ANKAR: variants seen among roughly 807,000 people sequenced by gnomAD.
ANKAR encodes ankyrin and armadillo repeat-containing protein.
A neutral mutation model predicts 146.2 loss-of-function variants in ANKAR; 136 were observed. The ratio of observed to expected loss-of-function variants is 0.93; its 90% CI spans 0.81 to 1.07. The LOEUF is 1.07. Ranked by LOEUF, ANKAR falls within the 50% of genes least tolerant of loss-of-function variation. ANKAR has a pLI of 0.00. For missense variants in ANKAR, 1,567 were observed against 1,679.9 expected (o/e 0.93, Z 1.18); for synonymous variants, 500 against 575.8 (o/e 0.87, Z 1.88).
At chr2:189,743,761 G>A (rs568550225) in intron 21 of ANKAR, among the ~76,000 whole-genome samples, 1 of 152,306 alleles carries the variant, frequency 6.6e-6, no homozygotes, top group South Asian at 2.1e-4. Context: ...CACAACATCT[G>A]ATTCAAGAAG....
intron 17 of ANKAR, among the ~76,000 whole-genome samples, chr2:189,735,312 C>A (rs190456758): frequency 1.3e-5 from 2 of 152,258 alleles, no homozygotes; most frequent in Non-Finnish European, 2.9e-5. Context: ...TCTTAGAGAA[C>A]TAGAAGGTTT....
At chr2:189,761,506 A>G, downstream of ANKAR, 1 of 1,613,356 alleles carries the variant, frequency 6.2e-7, no homozygotes, top group Non-Finnish European at 8.5e-7. Flanking sequence ...TATCATCACA[A>G]CTAGTTTCAA....
intron 14 of ANKAR, 88 bp downstream of exon 14, chr2:189,728,508 G>C (rs1366355433): frequency 6.8e-7 from 1 of 1,463,968 alleles, no homozygotes; most frequent in Admixed American, 2.1e-5. Flanking sequence ...CACAATTATA[G>C]CTCACTGCAG....
intron 18 of ANKAR, chr2:189,755,550 T>C: frequency 6.3e-7 from 1 of 1,585,056 alleles, no homozygotes; most frequent in East Asian, 2.2e-5. Context: ...GGAGGAACAA[T>C]CCCACCTGTT....
In ANKAR at chr2:189,693,126, C is replaced by A; in HGVS notation, c.1256C>A (p.Ser419Ter). The change falls in exon 5 of 23, where the codon TCA becomes TAA. Residue 419 changes from serine (S) to a stop codon, truncating the protein, a stop_gained. Transcript: ENST00000684021. LOFTEE classifies it high-confidence loss of function. ...DCAANTFIED[S>*]GYKEYYSIPV... ...GCTGCTAATACATTTATAGAAGATT[C>A]AGGATATAAAGAATATTACTCAATA... The A allele has an allele frequency of 6.4e-7, 1 of 1,559,830 alleles. No homozygotes were observed. The highest frequency in any genetic ancestry group is 1.2e-5 in the South Asian group (1 of 84,302).
At chr2:189,746,730 A>T, downstream of ANKAR, 1 of 1,253,920 alleles carries the variant, frequency 8.0e-7, no homozygotes, top group African/African-American at 1.5e-5. Flanking sequence ...ATCTTTTTGA[A>T]TGAAAGTTCT....
chr2:189,731,192 T>C lies in ANKAR; in HGVS notation c.3300+591T>C, dbSNP rs1574684662. On this transcript the variant is annotated intron_variant, in intron 16 of 22. Coordinates refer to ENST00000684021, the MANE Select transcript of ANKAR (RefSeq NM_001378068.1). ...CCTTTAATAAAATGACATTTACATCTATTCAAATACTCTTACCCAGGCTTT... is the reference window on the plus strand; with the variant it reads ...CCTTTAATAAAATGACATTTACATCCATTCAAATACTCTTACCCAGGCTTT... 2.0e-5 allele frequency among the ~76,000 whole-genome samples: 3 copies of C among 152,112 alleles called. No individual in the cohort carries two copies. In the South Asian group the frequency reaches 6.2e-4, roughly 31 times the overall value.
At chr2:189,697,867 C>T (rs1369345969) in intron 7 of ANKAR, among the ~76,000 whole-genome samples, 1 of 138,932 alleles carries the variant, frequency 7.2e-6, no homozygotes, top group Non-Finnish European at 1.5e-5. Context: ...ATTTGGGGGG[C>T]AGAGTTTCCA....
At chr2:189,752,960 G>GC (rs1400658902) in intron 18 of ANKAR, 1 of 1,612,400 alleles carries the variant, frequency 6.2e-7, no homozygotes, top group Non-Finnish European at 8.5e-7. Context: ...GAAGTTACTT[G>GC]CGACACCACC....
At chr2:189,739,518 T>C (rs1275582883) in intron 19 of ANKAR, among the ~76,000 whole-genome samples, 2 of 151,926 alleles carry the variant, frequency 1.3e-5, no homozygotes, top group African/African-American at 4.8e-5. Context: ...TTCAATGTTA[T>C]AGTAATTCTG....
chr2:189,704,534 C>T (rs1285350675), intron 7 of ANKAR, among the ~76,000 whole-genome samples: 1 of 95,262 alleles, frequency 1.0e-5, no homozygotes, highest in South Asian at 3.5e-4. Flanking sequence ...GACATTGAGG[C>T]CTTTGTTAAC....
At chr2:189,736,677 A>G (rs555772586) in intron 17 of ANKAR, among the ~76,000 whole-genome samples, 2 of 151,976 alleles carry the variant, frequency 1.3e-5, no homozygotes, top group African/African-American at 4.8e-5. Flanking sequence ...ACTCATTTCT[A>G]CTAAATTATT....
chr2:189,715,640 G>C (rs1406251473), intron 10 of ANKAR, among the ~76,000 whole-genome samples: 1 of 152,092 alleles, frequency 6.6e-6, no homozygotes, highest in African/African-American at 2.4e-5. Context: ...AAACAAAAAA[G>C]AGAATTTTAG....
At chr2:189,742,519 G>A (rs561826447) in intron 20 of ANKAR, among the ~76,000 whole-genome samples, 1 of 152,096 alleles carries the variant, frequency 6.6e-6, no homozygotes, top group South Asian at 2.1e-4. Context: ...GTGGAAAAGT[G>A]AGTTGCTCTT....
chr2:189,751,016 C>A (rs2045099221), downstream of ANKAR, among the ~76,000 whole-genome samples: 2 of 152,174 alleles, frequency 1.3e-5, no homozygotes, highest in African/African-American at 4.8e-5. Context: ...TAAAGTCAAA[C>A]CTGTATCCAT....
chr2:189,714,962 A>C (rs2040225932), intron 10 of ANKAR, among the ~76,000 whole-genome samples: 1 of 144,314 alleles, frequency 6.9e-6, no homozygotes, highest in Admixed American at 7.0e-5. Context: ...AAAAAAAAAA[A>C]AAAAAGAGAG....
intron 4 of ANKAR, 41 bp from the exon 5 acceptor site, chr2:189,693,033 T>C (rs1294043292): frequency 3.1e-6 from 3 of 977,360 alleles, no homozygotes; most frequent in Non-Finnish European, 4.6e-6. Flanking sequence ...TGTTTAGATG[T>C]GTCTAAGGAT....
intron 13 of ANKAR, 68 bp downstream of exon 13, chr2:189,728,165 T>A: frequency 6.6e-7 from 1 of 1,511,494 alleles, no homozygotes; most frequent in Non-Finnish European, 8.9e-7. Context: ...GTTAAGTGAA[T>A]AGAAAAACTA....
chr2:189,738,565 A>T lies in ANKAR; in HGVS notation c.3583A>T (p.Ile1195Phe). Residue 1195 changes from isoleucine to phenylalanine, a missense_variant and splice_region_variant, in exon 19 of 23, where the codon ATT (isoleucine) becomes TTT (phenylalanine). Transcript: ENST00000684021. ...ETEKAMAAFQIVVLAKVIRDM... is the reference protein window; with the variant it reads ...ETEKAMAAFQFVVLAKVIRDM... ...CTCTCTGCTTCTTTTCTGTTTTCAG[A>T]TTGTTGTACTGGCTAAAGTCATTAG... 1 of 1,560,872 alleles carries T rather than the reference A, an allele frequency of 6.4e-7. No individual in the cohort carries two copies. The highest frequency in any genetic ancestry group is 8.7e-7 in the Non-Finnish European group (1 of 1,145,782).
Sources: gnomAD v4.1 joint callset for allele counts (sites outside exome capture counted in the v4.1 genomes callset) on GRCh38, gnomAD v4.1.1 for gene constraint, MANE v1.5 for transcripts, NCBI Gene and HGNC (gene_info 2026-07-23, HGNC 2026-07-21) for gene names.